CDH12: variants seen among roughly 807,000 people sequenced by gnomAD.
CDH12 encodes cadherin-12.
CDH12 carries 41 observed loss-of-function variants against 74.1 expected under a neutral mutation model. The ratio of observed to expected loss-of-function variants is 0.55; its 90% CI spans 0.43 to 0.72. CDH12 has a LOEUF of 0.72. CDH12 is among the 30% of genes least tolerant of loss of function. The pLI is 0.00. For synonymous variants in CDH12, 399 were observed against 355.0 expected (o/e 1.12, Z -1.39); for missense variants, 945 against 977.2 (o/e 0.97, Z 0.44).
At chr5:22,155,322 C>A (rs894032523) in intron 4 of CDH12, among the ~76,000 whole-genome samples, 1 of 151,932 alleles carries the variant, frequency 6.6e-6, no homozygotes, top group African/African-American at 2.4e-5. Flanking sequence ...TCTTTGGGGC[C>A]AACTTAGACT....
At chr5:21,753,708 C>A (rs1744226272) in intron 14 of CDH12, among the ~76,000 whole-genome samples, 1 of 152,032 alleles carries the variant, frequency 6.6e-6, no homozygotes, top group South Asian at 2.1e-4. Flanking sequence ...TGCTGTATAC[C>A]AAAAATTCAC....
At chr5:22,406,832 T>C (rs1466756379) in intron 2 of CDH12, among the ~76,000 whole-genome samples, 1 of 152,064 alleles carries the variant, frequency 6.6e-6, no homozygotes, top group Non-Finnish European at 1.5e-5. Context: ...ACAATATGCA[T>C]CACAGTTGAA....
At position 22,532,375 on chromosome 5, in the gene CDH12, A is replaced by ATATATATATG. The variant is rs1178546849; in HGVS notation, c.-522-27012_-522-27011insCATATATATA. Among the ~76,000 whole-genome samples the ATATATATATG allele has an allele frequency of 2.6e-5, 2 of 75,844 alleles. 1 individual carries two copies. Among genetic ancestry groups the ATATATATATG allele is most frequent in the African/African-American group, 9.1e-5 (2 of 22,016 alleles). The allele number at this position is 75,844 out of a possible 152,430, so 49.8% of individuals were successfully genotyped here. On this transcript the variant is annotated intron_variant, in intron 1 of 14. Transcript: ENST00000382254. ...GATATATATATATATATATATATAT[A>ATATATATATG]TATGTATGTATCCTATTTTGCTCCT... is the stretch of plus-strand genomic sequence containing the variant.
chr5:22,613,220 AT>A (rs2126829039), intron 1 of CDH12, among the ~76,000 whole-genome samples: 1 of 152,208 alleles, frequency 6.6e-6, no homozygotes, highest in East Asian at 1.9e-4. Flanking sequence ...GCCCTGGCAG[AT>A]TGAAATGTGA....
intron 2 of CDH12, among the ~76,000 whole-genome samples, chr5:22,413,831 A>G (rs1031741612): frequency 2.6e-5 from 4 of 151,918 alleles, no homozygotes; most frequent in African/African-American, 9.7e-5. Context: ...TAATAACTTA[A>G]TGTCACTATT....
Position 22,598,352 on chromosome 5 carries a change from C to T in CDH12, c.-522-92988G>A, listed in dbSNP as rs145515328. Among the ~76,000 whole-genome samples the T allele has an allele frequency of 3.6e-3, 551 of 152,180 alleles. 1 individual carries two copies. The highest frequency in any genetic ancestry group is 0.01 in the African/African-American group (424 of 41,522). ...TGATTGGATCATGGGGGCAGTTTCCCGAGTGCTGTTCTCCTGATAATAAGT... is the reference window on the plus strand; with the variant it reads ...TGATTGGATCATGGGGGCAGTTTCCTGAGTGCTGTTCTCCTGATAATAAGT... On this transcript the variant is annotated intron_variant, in intron 1 of 14. Transcript: ENST00000382254.
At chr5:21,877,312 C>T (rs1354286954) in intron 6 of CDH12, among the ~76,000 whole-genome samples, 3 of 152,146 alleles carry the variant, frequency 2.0e-5, no homozygotes, top group East Asian at 1.9e-4. Context: ...AACTCGTTTC[C>T]ATATGCTCAG....
At chr5:21,800,929 C>A (rs867407854) in intron 10 of CDH12, among the ~76,000 whole-genome samples, 1 of 152,298 alleles carries the variant, frequency 6.6e-6, no homozygotes. Context: ...TTTCCTGAGG[C>A]CTCCCCAGGC....
intron 2 of CDH12, among the ~76,000 whole-genome samples, chr5:22,453,691 T>C (rs148530381): frequency 8.1e-4 from 123 of 152,224 alleles, no homozygotes; most frequent in Non-Finnish European, 1.5e-3. Context: ...TAGTGAAAAA[T>C]AATTTACTGC....
chr5:21,821,957 T>G (rs1748393036), intron 8 of CDH12, among the ~76,000 whole-genome samples: 2 of 152,004 alleles, frequency 1.3e-5, no homozygotes, highest in Middle Eastern at 3.4e-3. Flanking sequence ...TTCACCTTAC[T>G]TAAACAACAC....
chr5:22,608,334 T>C (rs550538877), intron 1 of CDH12, among the ~76,000 whole-genome samples: 88 of 152,344 alleles, frequency 5.8e-4, no homozygotes, highest in African/African-American at 1.9e-3. Context: ...ACCACTCTAT[T>C]GGACTTCAGA....
At chr5:22,133,031 T>C (rs1304543632) in intron 4 of CDH12, among the ~76,000 whole-genome samples, 1 of 152,150 alleles carries the variant, frequency 6.6e-6, no homozygotes, top group African/African-American at 2.4e-5. Context: ...TCTGAAATGA[T>C]TTTATCTGTT....
chr5:22,794,554 G>A (rs1748090604), intron 1 of CDH12, among the ~76,000 whole-genome samples: 1 of 152,118 alleles, frequency 6.6e-6, no homozygotes, highest in Non-Finnish European at 1.5e-5. Flanking sequence ...AGCAAGGCCA[G>A]TCAGATTATC....
chr5:22,279,109 C>G (rs1736764773), intron 3 of CDH12, among the ~76,000 whole-genome samples: 1 of 152,034 alleles, frequency 6.6e-6, no homozygotes, highest in African/African-American at 2.4e-5. Context: ...CATTATTTTT[C>G]TATACTGAAA....
chr5:22,379,246 TA>T (rs2126375538), intron 3 of CDH12, among the ~76,000 whole-genome samples: 1 of 152,272 alleles, frequency 6.6e-6, no homozygotes, highest in East Asian at 1.9e-4. Flanking sequence ...CTAGAACGAA[TA>T]GTTTTGTGGT....
At chr5:22,343,323 C>G (rs868663063) in intron 3 of CDH12, among the ~76,000 whole-genome samples, 217 of 136,346 alleles carry the variant, frequency 1.6e-3, no homozygotes, top group Admixed American at 2.6e-3. Context: ...GACACACACA[C>G]AGAGAGAGAG....
intron 6 of CDH12, among the ~76,000 whole-genome samples, chr5:21,859,154 A>T (rs891765161): frequency 6.6e-6 from 1 of 151,920 alleles, no homozygotes; most frequent in African/African-American, 2.4e-5. Context: ...AACCACCTGT[A>T]TTAGTCTGTT....
chr5:22,732,035 GTCT>G (rs1163459344), intron 1 of CDH12, among the ~76,000 whole-genome samples: 5 of 151,914 alleles, frequency 3.3e-5, no homozygotes, highest in East Asian at 1.9e-4. Flanking sequence ...GTATGCTGAA[GTCT>G]TCTTCTGTTT....
At chr5:22,593,036 G>GAAAAAAA (rs11420428) in intron 1 of CDH12, among the ~76,000 whole-genome samples, 1 of 110,484 alleles carries the variant, frequency 9.1e-6, no homozygotes, top group African/African-American at 3.4e-5. Context: ...TCTCAAAAAA[G>GAAAAAAA]AAAAAAAAAA....
Sources: gnomAD v4.1 joint callset for allele counts (sites outside exome capture counted in the v4.1 genomes callset) on GRCh38, gnomAD v4.1.1 for gene constraint, MANE v1.5 for transcripts, NCBI Gene and HGNC (gene_info 2026-07-23, HGNC 2026-07-21) for gene names.